CCNI2: variants seen among roughly 807,000 people sequenced by gnomAD.
CCNI2 encodes the protein cyclin-I2.
In CCNI2, 32 loss-of-function variants were observed where a neutral mutation model predicts 33.2. That is an observed-to-expected ratio of 0.96 (90% CI 0.73 to 1.30). The LOEUF (loss-of-function observed/expected upper bound fraction) is 1.30, where lower values mean the gene tolerates loss of function less well. Among genes scored for constraint, CCNI2 ranks in the 50% most tolerant of loss-of-function variants. The pLI, the probability that CCNI2 is intolerant of heterozygous loss-of-function variation, is 0.00. For synonymous variants in CCNI2, 231 were observed against 219.9 expected, an observed-to-expected ratio of 1.05 and a Z score of -0.45; for missense variants, 452 against 486.2, an observed-to-expected ratio of 0.93 and a Z score of 0.66.
chr5:132,751,204 G>A (rs764644270), intron 4 of CCNI2: 8 of 480,502 alleles, frequency 1.7e-5, no homozygotes, highest in African/African-American at 9.9e-5. Context: ...ACTTCTAAAG[G>A]ACATTAAATT....
rs562142567 is a variant in CCNI2, at chr5:132,749,184, A to T, written c.559-164A>T. On this transcript the variant is annotated intron_variant, in intron 2 of 5. Transcript: ENST00000378731. ...GACAGGAGAATCGCTCAAAATCAGG[A>T]GGTGGAGGTTGCAGTGAGCCAAGAT... Among the ~76,000 whole-genome samples, 3 of 152,292 alleles carry T rather than the reference A, an allele frequency of 2.0e-5. No homozygotes were observed. The East Asian group carries it at 5.8e-4, about 29-fold the overall frequency.
downstream of CCNI2, chr5:132,755,913 A>T (rs1755285921): frequency 1.1e-6 from 1 of 937,014 alleles, no homozygotes; most frequent in Non-Finnish European, 1.3e-6. Context: ...AAGAACAGAC[A>T]AGCTGTATTT....
At position 132,751,827 on chromosome 5, in the gene CCNI2, G is replaced by T. The variant is rs908430097; in HGVS notation, c.775-139G>T. 5 of 1,045,508 alleles carry T rather than the reference G, an allele frequency of 4.8e-6. No individual in the cohort carries two copies. In the Admixed American group the frequency reaches 9.4e-5, roughly 20 times the overall value. 64.8% of individuals were successfully genotyped at this position (1,045,508 alleles called of 1,614,324 possible). The stretch of plus-strand genomic sequence containing the variant: ...GGGCATTAAGCCTCAAGCCCCTTAC[G>T]GAGCCATGGATAGGAATGAAAAGGG... On this transcript the variant is annotated intron_variant, in intron 4 of 5. Coordinates refer to ENST00000378731, the MANE Select transcript of CCNI2 (RefSeq NM_001039780.4).
chr5:132,748,557 G>A, intron 2 of CCNI2, 82 bp downstream of exon 2: 4 of 1,551,352 alleles, frequency 2.6e-6, no homozygotes, highest in Middle Eastern at 3.7e-4. Flanking sequence ...GAGAGGTGAG[G>A]GTTTCCAGAT....
chr5:132,754,572 C>A (rs552411610), downstream of CCNI2: 7 of 715,760 alleles, frequency 9.8e-6, no homozygotes, highest in South Asian at 7.4e-5. Flanking sequence ...GGGTAAGAGA[C>A]AACCTTCTGC....
Position 132,752,465 on chromosome 5 carries a change from G to A in CCNI2, c.1005+269G>A, listed in dbSNP as rs528802839. On this transcript the variant is annotated intron_variant, in intron 5 of 5. Coordinates refer to ENST00000378731, the MANE Select transcript of CCNI2 (RefSeq NM_001039780.4). ...TCTCAATGGGAGCCCTTGTAGCCAA[G>A]AGGACTGTGGGGAGTCAGGGGTATG... is the stretch of plus-strand genomic sequence containing the variant. 3.9e-5 allele frequency among the ~76,000 whole-genome samples: 6 copies of A among 152,310 alleles called. No homozygotes were observed. The South Asian group carries it at 1.2e-3, about 32-fold the overall frequency.
At chr5:132,748,993 C>T (rs148127167) in intron 2 of CCNI2, among the ~76,000 whole-genome samples, 2 of 152,312 alleles carry the variant, frequency 1.3e-5, no homozygotes, top group East Asian at 1.9e-4. Flanking sequence ...CAATGGCTCA[C>T]GCCTGTAATC....
In CCNI2 at chr5:132,748,433, C is replaced by G. The variant is rs1030984147; in HGVS notation, c.516C>G (p.Asn172Lys). The change falls in exon 2 of 6, where the codon AAC becomes AAG. Residue 172 changes from asparagine (N) to lysine (K), a missense_variant. Physicochemically the swap from Asn to Lys is moderately conservative, Grantham distance 94. Transcript: ENST00000378731. ...NTFYFSQSTF[N>K]LALTIFGRLL... ...TTTACTTCTCCCAGTCCACTTTTAA[C>G]CTGGCCCTCACCATCTTTGGCCGCC... is the stretch of plus-strand genomic sequence containing the variant. The G allele has an allele frequency of 6.2e-7, 1 of 1,614,068 alleles. No individual in the cohort carries two copies. Among genetic ancestry groups the G allele is most frequent in the Non-Finnish European group, 8.5e-7 (1 of 1,180,028 alleles).
Position 132,752,176 on chromosome 5 carries a change from G to A in CCNI2, c.985G>A (p.Asp329Asn), listed in dbSNP as rs1754901731. 1.3e-6 allele frequency: 2 copies of A among 1,581,782 alleles called. No individual in the cohort carries two copies. Among genetic ancestry groups the A allele is most frequent in the Non-Finnish European group, 1.7e-6 (2 of 1,162,584 alleles). Residue 329 changes from aspartate to asparagine, a missense_variant, in exon 5 of 6, where the codon GAT (aspartate) becomes AAT (asparagine). Asp to Asn is a conservative substitution (Grantham distance 23). Transcript: ENST00000378731. Reference protein sequence around the residue: ...LMPGWCAPISDLLKKAQVGDM... With the variant: ...LMPGWCAPISNLLKKAQVGDM... ...GCCCGGCTGGTGTGCTCCTATATCT[G>A]ATCTGCTAAAGAAAGCACAGGTAGA... is the stretch of plus-strand genomic sequence containing the variant.
chr5:132,755,485 A>G (rs1458338677), downstream of CCNI2, among the ~76,000 whole-genome samples: 1 of 152,080 alleles, frequency 6.6e-6, no homozygotes, highest in Non-Finnish European at 1.5e-5. Context: ...CCAGCGTTCA[A>G]ATCTCAACTT....
rs1193082895 is a variant in CCNI2, at chr5:132,747,694, C to G, written c.199C>G (p.Leu67Val). Residue 67 changes from leucine to valine, a missense_variant, in exon 1 of 6, where the codon CTC becomes GTC. Coordinates refer to ENST00000378731, the MANE Select transcript of CCNI2 (RefSeq NM_001039780.4). This position sits in a 1 kb window ranked among gnomAD's most constrained non-coding sequence, Gnocchi z 4.1. ...PGTRQPGAAS[L>V]HAASAAVPVR... ...GACCCGCCAGCCCGGAGCGGCCTCC[C>G]TCCACGCGGCGTCCGCAGCAGTCCC... 2 of 1,497,704 alleles carry G rather than the reference C, an allele frequency of 1.3e-6. No individual in the cohort carries two copies. Among genetic ancestry groups the G allele is most frequent in the Non-Finnish European group, 1.8e-6 (2 of 1,130,922 alleles). 92.8% of individuals were successfully genotyped at this position (1,497,704 alleles called of 1,614,324 possible). A position where few individuals can be genotyped will look rare whatever the true frequency, so the allele number is the denominator to read the frequency against.
chr5:132,754,101 AT>A lies in CCNI2; in HGVS notation c.*1137del. 3.1e-6 allele frequency: 1 copy of A among 321,320 alleles called. No homozygotes were observed. The highest frequency in any genetic ancestry group is 4.2e-5 in the South Asian group (1 of 23,572). The allele number at this position is 321,320 out of a possible 1,614,324, so 19.9% of individuals were successfully genotyped here. On this transcript the variant is annotated 3_prime_UTR_variant, in exon 6 of 6. Coordinates refer to ENST00000378731, the MANE Select transcript of CCNI2 (RefSeq NM_001039780.4). Reference sequence around the variant, plus strand: ...TATTATAGAGTTAGTATACATCTGTATTTTTTCTTGACACACTTTTGCTTGT... The same window carrying A: ...TATTATAGAGTTAGTATACATCTGTATTTTTCTTGACACACTTTTGCTTGT...
At chr5:132,754,980 C>T (rs1222197889), downstream of CCNI2, among the ~76,000 whole-genome samples, 1 of 152,124 alleles carries the variant, frequency 6.6e-6, no homozygotes, top group Non-Finnish European at 1.5e-5. Context: ...TTAAACTTGT[C>T]CAAACAGTAC....
In CCNI2 at chr5:132,754,383, T is replaced by G; in HGVS notation, c.*1413T>G. The G allele has an allele frequency of 1.4e-6, 1 of 717,306 alleles. No individual in the cohort carries two copies. Among genetic ancestry groups the G allele is most frequent in the Admixed American group, 2.0e-5 (1 of 50,020 alleles). The allele number at this position is 717,306 out of a possible 1,614,324, so 44.4% of individuals were successfully genotyped here. A position where few individuals can be genotyped will look rare whatever the true frequency, so the allele number is the denominator to read the frequency against. ...CCAGTGTAAGTGGGACCACAGTGCATGAGGCAGAAGGACATCCTGAGGGCC... is the reference window on the plus strand; with the variant it reads ...CCAGTGTAAGTGGGACCACAGTGCAGGAGGCAGAAGGACATCCTGAGGGCC... On this transcript the variant is annotated 3_prime_UTR_variant, in exon 6 of 6. Transcript: ENST00000378731.
chr5:132,751,731 A>T (rs1450123746), intron 4 of CCNI2: 2 of 587,008 alleles, frequency 3.4e-6, no homozygotes, highest in Non-Finnish European at 6.0e-6. Context: ...TCCGCTCATA[A>T]CGATGATGTC....
downstream of CCNI2, chr5:132,754,656 A>AT: frequency 1.7e-6 from 1 of 604,508 alleles, no homozygotes. Context: ...CCACTCGTGG[A>AT]TTTTTAAAAA....
At chr5:132,752,342 G>A (rs1754919888) in intron 5 of CCNI2, 146 bp downstream of exon 5, 1 of 974,678 alleles carries the variant, frequency 1.0e-6, no homozygotes, top group Non-Finnish European at 1.5e-6. Flanking sequence ...CAAAGGCTAG[G>A]CTTTCCACAC....
chr5:132,753,033 A>G lies in CCNI2; in HGVS notation c.*63A>G, dbSNP rs553313742. 3.6e-5 allele frequency: 47 copies of G among 1,317,352 alleles called. No homozygotes were observed. Among genetic ancestry groups the G allele is most frequent in the Non-Finnish European group, 4.8e-5 (44 of 913,952 alleles). The allele number at this position is 1,317,352 out of a possible 1,614,324, so 81.6% of individuals were successfully genotyped here. On this transcript the variant is annotated 3_prime_UTR_variant, in exon 6 of 6. Transcript: ENST00000378731. ...GTGAAACCTCCTTGCTTGGACTACC[A>G]TGAGTTCTTTGGCTTGTTATGAATC...
chr5:132,748,199 G>A (rs977842414), intron 1 of CCNI2, 148 bp from the exon 2 acceptor site: 24 of 1,157,162 alleles, frequency 2.1e-5, no homozygotes, highest in South Asian at 4.8e-5. Context: ...CCGCTGCGCC[G>A]GGGGGCGCTT....
Sources: gnomAD v4.1 joint callset for allele counts (sites outside exome capture counted in the v4.1 genomes callset) on GRCh38, gnomAD v4.1.1 for gene constraint, Gnocchi (gnomAD v3.1) non-coding constraint, MANE v1.5 for transcripts, NCBI Gene and HGNC (gene_info 2026-07-23, HGNC 2026-07-21) for gene names.